Variants in GLIS3 observed in about 807,000 individuals in gnomAD.
The protein encoded by GLIS3 is GLIS family zinc finger 3.
GLIS3 carries 53 observed loss-of-function variants against 78.6 expected under a neutral mutation model. That is an observed-to-expected ratio of 0.67 (90% CI 0.54 to 0.85). The LOEUF is 0.85. GLIS3 is among the 40% of genes least tolerant of loss of function. GLIS3 has a pLI of 0.00. For synonymous variants in GLIS3, 684 were observed against 509.9 expected, an observed-to-expected ratio of 1.34 and a Z score of -4.60; for missense variants, 1,703 against 1,231.1, an observed-to-expected ratio of 1.38 and a Z score of -5.74.
the GLIS3 span, among the ~76,000 whole-genome samples, chr9:4,473,460 C>CAACAAAAAAA: frequency 7.6e-6 from 1 of 131,294 alleles, no homozygotes; most frequent in African/African-American, 2.7e-5. Context: ...ACAACAACAA[C>CAACAAAAAAA]AAAAAAAAAG....
At chr9:4,181,546 G>A (rs1168666084) in intron 2 of GLIS3, among the ~76,000 whole-genome samples, 2 of 152,140 alleles carry the variant, frequency 1.3e-5, no homozygotes, top group African/African-American at 4.8e-5. Flanking sequence ...CCTATATTTA[G>A]AAATTTTCCC....
the GLIS3 span, among the ~76,000 whole-genome samples, chr9:4,357,169 G>C: frequency 6.6e-6 from 1 of 152,110 alleles, no homozygotes; most frequent in Non-Finnish European, 1.5e-5. Context: ...CTTTAATTTT[G>C]TATCAACTTG....
intron 4 of GLIS3, among the ~76,000 whole-genome samples, chr9:4,035,312 A>C (rs1824209357): frequency 6.6e-6 from 1 of 152,130 alleles, no homozygotes; most frequent in South Asian, 2.1e-4. Context: ...AGGTCTAGTT[A>C]ACTAAAGTAA....
At chr9:4,263,542 CAATT>C (rs1185965118) in intron 2 of GLIS3, among the ~76,000 whole-genome samples, 24 of 152,030 alleles carry the variant, frequency 1.6e-4, no homozygotes, top group African/African-American at 5.5e-4. Flanking sequence ...TCAGGTTTGT[CAATT>C]CATTCATTCA....
chr9:4,399,472 T>G, the GLIS3 span, among the ~76,000 whole-genome samples: 1 of 152,200 alleles, frequency 6.6e-6, no homozygotes, highest in African/African-American at 2.4e-5. Flanking sequence ...GAATATGAAA[T>G]AATTTTCCCA....
chr9:4,366,644 A>G, the GLIS3 span, among the ~76,000 whole-genome samples: 1 of 152,212 alleles, frequency 6.6e-6, no homozygotes, highest in African/African-American at 2.4e-5. Flanking sequence ...TTGAGCATAA[A>G]TGCTCAAGTG....
At chr9:3,854,269 A>C (rs1588090487) in intron 9 of GLIS3, among the ~76,000 whole-genome samples, 1 of 152,370 alleles carries the variant, frequency 6.6e-6, no homozygotes, top group East Asian at 1.9e-4. Flanking sequence ...TAGGTACTCA[A>C]GAAGTATTTC....
chr9:4,116,116 A>G (rs1489165676), intron 4 of GLIS3, among the ~76,000 whole-genome samples: 1 of 152,266 alleles, frequency 6.6e-6, no homozygotes, highest in Admixed American at 6.5e-5. Flanking sequence ...CTATTGCACA[A>G]AAATTAATTT....
chr9:4,263,161 A>C (rs997765743), intron 2 of GLIS3, among the ~76,000 whole-genome samples: 3 of 152,314 alleles, frequency 2.0e-5, no homozygotes, highest in Admixed American at 6.5e-5. Context: ...CCCTTTTAAA[A>C]GTGTTCCACA....
At chr9:4,132,927 A>T (rs898914780) in intron 2 of GLIS3, among the ~76,000 whole-genome samples, 13 of 152,002 alleles carry the variant, frequency 8.6e-5, no homozygotes, top group Non-Finnish European at 1.6e-4. Context: ...TACTGTTCTA[A>T]AATGGGGTCA....
At chr9:3,841,636 G>T (rs1818720139) in intron 9 of GLIS3, among the ~76,000 whole-genome samples, 1 of 152,198 alleles carries the variant, frequency 6.6e-6, no homozygotes, top group South Asian at 2.1e-4. Flanking sequence ...AAGGGTGGAG[G>T]ATTTGGATAT....
At chr9:4,159,258 C>T (rs1228149219) in intron 2 of GLIS3, among the ~76,000 whole-genome samples, 2 of 152,172 alleles carry the variant, frequency 1.3e-5, no homozygotes, top group Non-Finnish European at 2.9e-5. Context: ...TCTCCAGGGT[C>T]ATATGTGAAA....
At chr9:3,992,786 A>G (rs752641086) in intron 4 of GLIS3, among the ~76,000 whole-genome samples, 2 of 152,206 alleles carry the variant, frequency 1.3e-5, no homozygotes, top group Non-Finnish European at 2.9e-5. Flanking sequence ...GTGGAAAACA[A>G]AAGATCAGAC....
At chr9:4,199,576 A>C (rs565831559) in intron 2 of GLIS3, among the ~76,000 whole-genome samples, 3 of 151,714 alleles carry the variant, frequency 2.0e-5, no homozygotes, top group Non-Finnish European at 2.9e-5. Flanking sequence ...CATAAAAAAA[A>C]AAGTGGGGCT....
At chr9:3,991,284 G>C (rs889471729) in intron 4 of GLIS3, among the ~76,000 whole-genome samples, 1 of 152,030 alleles carries the variant, frequency 6.6e-6, no homozygotes, top group Non-Finnish European at 1.5e-5. Context: ...TGTCCATTTT[G>C]ACTTTTACTT....
chr9:4,466,543 T>C, the GLIS3 span, among the ~76,000 whole-genome samples: 1 of 152,228 alleles, frequency 6.6e-6, no homozygotes, highest in Non-Finnish European at 1.5e-5. Context: ...TTTTTTTAAA[T>C]GTTAGCAAAT....
At chr9:4,229,656 G>A (rs1316824741) in intron 2 of GLIS3, among the ~76,000 whole-genome samples, 1 of 152,186 alleles carries the variant, frequency 6.6e-6, no homozygotes, top group Non-Finnish European at 1.5e-5. Flanking sequence ...GCTTTTTAAA[G>A]AGCTTTGATA....
chr9:4,481,451 G>A, the GLIS3 span, among the ~76,000 whole-genome samples: 1 of 151,872 alleles, frequency 6.6e-6, no homozygotes, highest in Admixed American at 6.6e-5. Context: ...TTACACTCCA[G>A]CCTGGGCAAC....
chr9:4,472,301 T>G, the GLIS3 span, among the ~76,000 whole-genome samples: 31 of 152,324 alleles, frequency 2.0e-4, no homozygotes, highest in African/African-American at 7.0e-4. Flanking sequence ...TAAAGACACA[T>G]GCACACATAT....
Sources: allele counts gnomAD v4.1 joint callset (sites outside exome capture counted in the v4.1 genomes callset), GRCh38; gene constraint gnomAD v4.1.1; transcripts MANE v1.5; gene names NCBI Gene and HGNC (gene_info 2026-07-23, HGNC 2026-07-21).